IQCJ: variants seen among roughly 807,000 people sequenced by gnomAD.
IQCJ encodes the protein IQ motif containing J, also known as IQ domain-containing protein J.
Under a neutral mutation model 11.0 loss-of-function variants are expected in IQCJ, and 9 were observed. The observed-to-expected ratio is 0.82, with a 90% CI of 0.49 to 1.43. The LOEUF (loss-of-function observed/expected upper bound fraction) is 1.43. IQCJ is among the 40% of genes most tolerant of loss of function. The pLI is 0.00. For missense variants in IQCJ, 146 were observed against 133.2 expected (o/e 1.10, Z -0.47); for synonymous variants, 55 against 51.3 (o/e 1.07, Z -0.31).
At chr3:159,118,589 T>A (rs1440442741) in intron 1 of IQCJ, among the ~76,000 whole-genome samples, 1 of 152,220 alleles carries the variant, frequency 6.6e-6, no homozygotes, top group Non-Finnish European at 1.5e-5. Context: ...AGGTTACAGC[T>A]AGTTGGTGGC....
intron 2 of IQCJ, among the ~76,000 whole-genome samples, chr3:159,249,880 G>A (rs1727492898): frequency 7.2e-6 from 1 of 139,492 alleles, no homozygotes; most frequent in African/African-American, 2.6e-5. Flanking sequence ...ACCATTGGCA[G>A]AGCCAATCAA....
intron 1 of IQCJ, among the ~76,000 whole-genome samples, chr3:159,085,737 T>C (rs1159084469): frequency 2.6e-5 from 4 of 151,918 alleles, no homozygotes; most frequent in Non-Finnish European, 5.9e-5. Context: ...TGTCTGTTCA[T>C]GTCCTTCGCC....
chr3:159,215,811 A>AT lies in IQCJ; in HGVS notation c.10-30025dup, dbSNP rs1175040376. ...ATGTGCTGGATGTTAACAATGCATTATTTTTTTAGTGAAGCACAATTTTCT... is the reference window on the plus strand; with the variant it reads ...ATGTGCTGGATGTTAACAATGCATTATTTTTTTTAGTGAAGCACAATTTTCT... On this transcript the variant is annotated intron_variant, in intron 1 of 3. Transcript: ENST00000397832. Among the ~76,000 whole-genome samples the AT allele has an allele frequency of 3.9e-5, 6 of 151,916 alleles. No homozygotes were observed. In the South Asian group the frequency reaches 8.3e-4, roughly 21 times the overall value.
chr3:159,112,804 T>A (rs537176586), intron 1 of IQCJ, among the ~76,000 whole-genome samples: 1 of 152,148 alleles, frequency 6.6e-6, no homozygotes, highest in Non-Finnish European at 1.5e-5. Context: ...TAGCCCAGAT[T>A]ACTAGCTTCC....
chr3:159,093,290 T>C (rs542061294), intron 1 of IQCJ, among the ~76,000 whole-genome samples: 1 of 152,036 alleles, frequency 6.6e-6, no homozygotes, highest in East Asian at 1.9e-4. Context: ...AGCCTTTGCC[T>C]GAAAATGAAT....
intron 3 of IQCJ, among the ~76,000 whole-genome samples, chr3:159,256,049 AC>A (rs1727876777): frequency 1.3e-5 from 2 of 152,212 alleles, no homozygotes; most frequent in African/African-American, 4.8e-5. Context: ...CCCAGCCCCA[AC>A]AGGCTGCTGC....
chr3:159,069,712 C>T (rs7635803), intron 1 of IQCJ: 1 of 574,788 alleles, frequency 1.7e-6, no homozygotes, highest in East Asian at 3.3e-5. Context: ...GCAACACTTC[C>T]TATGAACATC....
At chr3:159,217,677 A>T (rs1383707624) in intron 1 of IQCJ, among the ~76,000 whole-genome samples, 1 of 152,050 alleles carries the variant, frequency 6.6e-6, no homozygotes, top group African/African-American at 2.4e-5. Flanking sequence ...CTGCCAAGAC[A>T]TTCTTGTCCT....
chr3:159,225,441 C>T (rs1456279727), intron 1 of IQCJ, among the ~76,000 whole-genome samples: 1 of 151,970 alleles, frequency 6.6e-6, no homozygotes, highest in Non-Finnish European at 1.5e-5. Flanking sequence ...GGTAATGGAA[C>T]AGTTATGCAT....
At chr3:159,265,252 T>A (rs771353168), downstream of IQCJ, 1 of 1,613,778 alleles carries the variant, frequency 6.2e-7, no homozygotes, top group East Asian at 2.2e-5. Context: ...CATCCTTACA[T>A]CTCTTGGAGG....
In IQCJ at chr3:159,244,288, T is replaced by A. The variant is rs187302690; in HGVS notation, c.10-1555T>A. Among the ~76,000 whole-genome samples, 5 of 152,260 alleles carry A rather than the reference T, an allele frequency of 3.3e-5. No homozygotes were observed. In the East Asian group the frequency reaches 9.7e-4, roughly 29 times the overall value. On this transcript the variant is annotated intron_variant, in intron 1 of 3. Transcript: ENST00000397832. ...TAGGATAGATAGAGAAGAGGACAGA[T>A]GGCTGGGACTGGCAGCTGGCATGTT... is the stretch of plus-strand genomic sequence containing the variant.
chr3:159,109,690 C>T (rs1199183289), intron 1 of IQCJ, among the ~76,000 whole-genome samples: 3 of 151,796 alleles, frequency 2.0e-5, no homozygotes, highest in African/African-American at 7.3e-5. Context: ...TGTCCTGCAC[C>T]TTCACATTCA....
chr3:159,073,835 G>A (rs932543591), intron 1 of IQCJ, among the ~76,000 whole-genome samples: 3 of 152,066 alleles, frequency 2.0e-5, no homozygotes, highest in African/African-American at 2.4e-5. Context: ...GGACAATCTC[G>A]ACTGAGGGCT....
chr3:159,125,233 C>G (rs1209593773), intron 1 of IQCJ, among the ~76,000 whole-genome samples: 1 of 152,140 alleles, frequency 6.6e-6, no homozygotes, highest in Admixed American at 6.6e-5. Context: ...AGAGAAATAT[C>G]AAATCCCAAT....
intron 1 of IQCJ, among the ~76,000 whole-genome samples, chr3:159,174,944 G>A (rs75230974): frequency 0.039 from 5,883 of 152,048 alleles, 374 homozygotes; most frequent in African/African-American, 0.14. Context: ...AACATTGTCA[G>A]CTTTACTAGA....
intron 1 of IQCJ, among the ~76,000 whole-genome samples, chr3:159,072,185 T>C (rs912197264): frequency 6.6e-6 from 1 of 152,138 alleles, no homozygotes; most frequent in Non-Finnish European, 1.5e-5. Flanking sequence ...TTGGATTTTT[T>C]GTTTTTTGTA....
intron 1 of IQCJ, among the ~76,000 whole-genome samples, chr3:159,229,095 C>G (rs1369397040): frequency 6.6e-6 from 1 of 152,206 alleles, no homozygotes; most frequent in Non-Finnish European, 1.5e-5. Flanking sequence ...TCTTGTCTAT[C>G]TGCCTGCCTT....
At chr3:159,237,749 G>T (rs996864566) in intron 1 of IQCJ, among the ~76,000 whole-genome samples, 1 of 152,212 alleles carries the variant, frequency 6.6e-6, no homozygotes, top group Non-Finnish European at 1.5e-5. Flanking sequence ...GTTATTTGGT[G>T]AGTCTAACCG....
intron 1 of IQCJ, among the ~76,000 whole-genome samples, chr3:159,111,748 G>A (rs1718645812): frequency 6.6e-6 from 1 of 152,140 alleles, no homozygotes; most frequent in South Asian, 2.1e-4. Context: ...TTCAGTTTCA[G>A]CAAGAGCACA....
Sources: gnomAD v4.1 joint callset for allele counts (sites outside exome capture counted in the v4.1 genomes callset) on GRCh38, gnomAD v4.1.1 for gene constraint, MANE v1.5 for transcripts, NCBI Gene and HGNC (gene_info 2026-07-23, HGNC 2026-07-21) for gene names.